CCDC141: variants seen among roughly 807,000 people sequenced by gnomAD.
CCDC141 encodes coiled-coil domain-containing protein 141.
In CCDC141, 168 loss-of-function variants were observed where a neutral mutation model predicts 181.0. The ratio of observed to expected loss-of-function variants is 0.93; its 90% CI spans 0.82 to 1.05. CCDC141 has a LOEUF of 1.05. CCDC141 is among the 50% of genes least tolerant of loss of function. The pLI is 0.00. For missense variants in CCDC141, 1,902 were observed against 1,788.5 expected, an observed-to-expected ratio of 1.06 and a Z score of -1.14; for synonymous variants, 666 against 642.3, an observed-to-expected ratio of 1.04 and a Z score of -0.56.
chr2:178,868,281 C>T, intron 15 of CCDC141, 76 bp from the exon 16 acceptor site: 3 of 1,293,294 alleles, frequency 2.3e-6, no homozygotes, highest in Non-Finnish European at 3.3e-6. Context: ...ATTTCTATAG[C>T]ACATTTTGCT....
At chr2:178,866,719 TTTG>T (rs1405859420) in intron 16 of CCDC141, among the ~76,000 whole-genome samples, 43 of 152,276 alleles carry the variant, frequency 2.8e-4, no homozygotes, top group South Asian at 8.3e-4. Context: ...TTTCTGTTTT[TTTG>T]TTTTGTTTTG....
intron 2 of CCDC141, among the ~76,000 whole-genome samples, chr2:178,979,919 C>T (rs1691290946): frequency 6.6e-6 from 1 of 152,130 alleles, no homozygotes; most frequent in South Asian, 2.1e-4. Flanking sequence ...TATAGCTAAC[C>T]TTATGCTCAG....
At chr2:178,871,859 C>T (rs975767412) in intron 13 of CCDC141, among the ~76,000 whole-genome samples, 1 of 152,164 alleles carries the variant, frequency 6.6e-6, no homozygotes, top group Non-Finnish European at 1.5e-5. Context: ...CACCACCAAC[C>T]ACCTCCAGAA....
At chr2:178,955,026 T>C (rs748092804) in intron 5 of CCDC141, among the ~76,000 whole-genome samples, 11 of 152,184 alleles carry the variant, frequency 7.2e-5, no homozygotes, top group Non-Finnish European at 1.5e-4. Flanking sequence ...GGCTCATGCC[T>C]GTAATCCCAG....
intron 6 of CCDC141, among the ~76,000 whole-genome samples, chr2:178,928,147 C>T (rs1688977256): frequency 6.6e-6 from 1 of 152,176 alleles, no homozygotes; most frequent in African/African-American, 2.4e-5. Context: ...TTACTCACAA[C>T]AGTCCTGGTG....
At chr2:179,044,107 A>G (rs1226099586) in intron 2 of CCDC141, among the ~76,000 whole-genome samples, 1 of 152,214 alleles carries the variant, frequency 6.6e-6, no homozygotes, top group Non-Finnish European at 1.5e-5. Context: ...AAGAAAAGTG[A>G]AGGACCTCTT....
At chr2:178,862,716 C>T (rs998839261) in intron 17 of CCDC141, among the ~76,000 whole-genome samples, 1 of 152,130 alleles carries the variant, frequency 6.6e-6, no homozygotes, top group Non-Finnish European at 1.5e-5. Context: ...TCTACAATTT[C>T]CTATGTCTTC....
At chr2:179,022,329 C>G (rs1017006928) in intron 2 of CCDC141, among the ~76,000 whole-genome samples, 1 of 152,162 alleles carries the variant, frequency 6.6e-6, no homozygotes, top group Non-Finnish European at 1.5e-5. Context: ...AAGAGAATAA[C>G]ACATTCCCTA....
At chr2:178,953,519 C>T (rs1028250158) in intron 5 of CCDC141, among the ~76,000 whole-genome samples, 1 of 152,104 alleles carries the variant, frequency 6.6e-6, no homozygotes, top group African/African-American at 2.4e-5. Flanking sequence ...GAATACTACC[C>T]CTTGGAATAT....
chr2:179,046,996 A>G (rs113302672), intron 2 of CCDC141, among the ~76,000 whole-genome samples: 7 of 152,290 alleles, frequency 4.6e-5, no homozygotes, highest in African/African-American at 1.7e-4. Context: ...TGAAAAAATG[A>G]TGGAGTTTTT....
At chr2:178,871,335 C>T (rs1361641625) in intron 14 of CCDC141, 92 bp downstream of exon 14, 2 of 1,371,686 alleles carry the variant, frequency 1.5e-6, no homozygotes, top group Non-Finnish European at 2.0e-6. Flanking sequence ...AATAGAAATT[C>T]ACCAGCCTGT....
At chr2:178,853,307 C>T in intron 20 of CCDC141, 134 bp downstream of exon 20, 1 of 748,650 alleles carries the variant, frequency 1.3e-6, no homozygotes, top group Non-Finnish European at 2.1e-6. Flanking sequence ...GGGCTCTTAC[C>T]TTGAACATTT....
rs775654826 is a variant in CCDC141 at position 178,884,873 on chromosome 2, TGAA to T, written c.1719+25_1719+27del. The stretch of plus-strand genomic sequence containing the variant: ...AGGACATGGGCAGTGGCCACCTTGC[TGAA>T]GAAGGTTAACACATAGTACCATACC... On this transcript the variant is annotated intron_variant, in intron 11 of 23. Transcript: ENST00000443758. The T allele has an allele frequency of 1.2e-5, 19 of 1,532,690 alleles. 4 individuals carry two copies. The South Asian group carries it at 1.7e-4, about 14-fold the overall frequency. The allele number at this position is 1,532,690 out of a possible 1,614,324, so 94.9% of individuals were successfully genotyped here. A position where few individuals can be genotyped will look rare whatever the true frequency, so the allele number is the denominator to read the frequency against.
chr2:178,996,821 T>C (rs1157189766), intron 2 of CCDC141, among the ~76,000 whole-genome samples: 1 of 152,182 alleles, frequency 6.6e-6, no homozygotes, highest in Non-Finnish European at 1.5e-5. Context: ...CTTGGTATTT[T>C]CTCGAAGAAA....
At chr2:178,917,231 CTT>C (rs1162834813) in intron 7 of CCDC141, among the ~76,000 whole-genome samples, 2 of 152,118 alleles carry the variant, frequency 1.3e-5, no homozygotes, top group Non-Finnish European at 2.9e-5. Context: ...TTAAAAGTCT[CTT>C]ATTCAAAAAC....
intron 23 of CCDC141, chr2:178,835,908 T>C (rs1684457526): frequency 6.6e-6 from 1 of 152,620 alleles, no homozygotes; most frequent in African/African-American, 2.4e-5. Flanking sequence ...AGTGCAGTTT[T>C]TTAAATAATT....
chr2:178,857,569 A>G (rs1685439725), intron 17 of CCDC141, among the ~76,000 whole-genome samples: 2 of 152,232 alleles, frequency 1.3e-5, no homozygotes, highest in Admixed American at 1.3e-4. Context: ...TAAGCAGTGC[A>G]GTTCCATTAA....
intron 7 of CCDC141, among the ~76,000 whole-genome samples, chr2:178,916,753 T>C (rs1469444225): frequency 6.6e-6 from 1 of 152,148 alleles, no homozygotes; most frequent in Non-Finnish European, 1.5e-5. Flanking sequence ...GAACCTGCTA[T>C]AGTATGGATA....
At chr2:178,869,042 T>C in intron 15 of CCDC141, 75 bp downstream of exon 15, 2 of 1,135,260 alleles carry the variant, frequency 1.8e-6, no homozygotes, top group Non-Finnish European at 2.4e-6. Context: ...TGGCCTTTAT[T>C]TATTATATAA....
Sources: allele counts gnomAD v4.1 joint callset (sites outside exome capture counted in the v4.1 genomes callset), GRCh38; gene constraint gnomAD v4.1.1; transcripts MANE v1.5; gene names NCBI Gene and HGNC (gene_info 2026-07-23, HGNC 2026-07-21).